OTUD6B: variants seen among roughly 807,000 people sequenced by gnomAD.
The protein encoded by OTUD6B is deubiquitinase OTUD6B.
In OTUD6B, 41 loss-of-function variants were observed where a neutral mutation model predicts 36.9. The ratio of observed to expected loss-of-function variants is 1.11; its 90% CI spans 0.87 to 1.44. The LOEUF (loss-of-function observed/expected upper bound fraction) is 1.44, where lower values mean the gene tolerates loss of function less well. Ranked by LOEUF, OTUD6B falls within the 40% of genes most tolerant of loss-of-function variation. The pLI is 0.00. For synonymous variants in OTUD6B, 114 were observed against 114.2 expected (o/e 1.00, Z 0.01); for missense variants, 356 against 344.8 (o/e 1.03, Z -0.26).
In OTUD6B at chr8:91,078,641, C is replaced by A; in HGVS notation, c.601C>A (p.Pro201Thr). 6.3e-7 allele frequency: 1 copy of A among 1,586,468 alleles called. No individual in the cohort carries two copies. The highest frequency in any genetic ancestry group is 8.6e-7 in the Non-Finnish European group (1 of 1,164,816). Residue 201 changes from proline (P) to threonine (T), a missense_variant, in exon 4 of 7, where the codon CCT becomes ACT. By Grantham distance (38) the Pro-to-Thr change is conservative. Transcript: ENST00000404789. Reference sequence around the variant, plus strand: ...AGACTTTCTGCCATTTTTAACAAACCCTAATACAGGAGATATGTATACTCC... The same window carrying A: ...AGACTTTCTGCCATTTTTAACAAACACTAATACAGGAGATATGTATACTCC... ...VEDFLPFLTN[P>T]NTGDMYTPEE... is the part of the protein sequence containing the mutation.
At chr8:91,081,573 C>G (rs1812908595) in intron 5 of OTUD6B, among the ~76,000 whole-genome samples, 1 of 147,938 alleles carries the variant, frequency 6.8e-6, no homozygotes, top group African/African-American at 2.4e-5. Context: ...TAAACCCTCT[C>G]TGTGTATTCA....
Position 91,086,123 on chromosome 8 carries a change from T to C in OTUD6B, c.*1255T>C, listed in dbSNP as rs1813010128. 3 of 152,130 alleles carry C rather than the reference T, an allele frequency of 2.0e-5. No individual in the cohort carries two copies. The highest frequency in any genetic ancestry group is 2.0e-4 in the Admixed American group (3 of 15,238). 9.4% of individuals were successfully genotyped at this position (152,130 alleles called of 1,614,324 possible). ...TCATAATTTATGTAAGGAAATATTA[T>C]GAAAATGAGACTTTTTTAGTTTGAT... is the stretch of plus-strand genomic sequence containing the variant. On this transcript the variant is annotated 3_prime_UTR_variant, in exon 7 of 7. Coordinates refer to ENST00000404789, the MANE Select transcript of OTUD6B (RefSeq NM_016023.5).
At chr8:91,070,591 A>G in intron 1 of OTUD6B, 125 bp downstream of exon 1, 1 of 872,686 alleles carries the variant, frequency 1.1e-6, no homozygotes, top group Non-Finnish European at 1.8e-6. Context: ...CCTAGTAGCA[A>G]GTGGCCTCTT....
At chr8:91,077,288 G>A (rs1421016809) in intron 3 of OTUD6B, among the ~76,000 whole-genome samples, 5 of 151,622 alleles carry the variant, frequency 3.3e-5, no homozygotes, top group African/African-American at 4.8e-5. Flanking sequence ...TTGGAATCCC[G>A]TCATCCAGAA....
chr8:91,070,533 TTCTGGGGAA>T, intron 1 of OTUD6B, 67 bp downstream of exon 1: 1 of 1,447,762 alleles, frequency 6.9e-7, no homozygotes, highest in Non-Finnish European at 9.5e-7. Flanking sequence ...GGCGGGTCGA[TTCTGGGGAA>T]TCTCAAGGCG....
At chr8:91,083,915 C>A (rs780032731) in intron 5 of OTUD6B, 93 bp from the exon 6 acceptor site, 116 of 1,498,208 alleles carry the variant, frequency 7.7e-5, no homozygotes, top group African/African-American at 9.9e-5. Context: ...GTGAACACAG[C>A]GTATCCCTGC....
At position 91,086,163 on chromosome 8, in the gene OTUD6B, CTA is replaced by C. The variant is rs749967849; in HGVS notation, c.*1296_*1297del. 2 of 151,990 alleles carry C rather than the reference CTA, an allele frequency of 1.3e-5. No individual in the cohort carries two copies. Among genetic ancestry groups the C allele is most frequent in the African/African-American group, 2.4e-5 (1 of 41,400 alleles). The allele number at this position is 151,990 out of a possible 1,614,324, so 9.4% of individuals were successfully genotyped here. ...TTTAGTTTGATGTGTGTTTCCCAAA[CTA>C]GAGATAAAACTAGTAAGATTTAGTA... On this transcript the variant is annotated 3_prime_UTR_variant, in exon 7 of 7. Transcript: ENST00000404789.
chr8:91,070,469 G>A lies in OTUD6B; in HGVS notation c.82+3G>A. 1 of 1,560,686 alleles carries A rather than the reference G, an allele frequency of 6.4e-7. No individual in the cohort carries two copies. Among genetic ancestry groups the A allele is most frequent in the Admixed American group, 1.9e-5 (1 of 51,702 alleles). ...CAAAGAGAAGAAGGAGTTGCAAGGT[G>A]AGGCGGAAGGAAGTGGGAATCTGGA... On this transcript the variant is annotated splice_donor_region_variant and intron_variant, in intron 1 of 6. Coordinates refer to ENST00000404789, the MANE Select transcript of OTUD6B (RefSeq NM_016023.5).
intron 3 of OTUD6B, chr8:91,076,657 G>A: frequency 6.6e-7 from 1 of 1,505,882 alleles, no homozygotes; most frequent in Non-Finnish European, 8.9e-7. Flanking sequence ...CAGCTGTATG[G>A]CCTTTGGAAA....
At chr8:91,082,145 TC>T (rs1812918922) in intron 5 of OTUD6B, among the ~76,000 whole-genome samples, 1 of 152,264 alleles carries the variant, frequency 6.6e-6, no homozygotes, top group African/African-American at 2.4e-5. Flanking sequence ...AGAGTTTGGT[TC>T]GCATCCTCTA....
intron 3 of OTUD6B, 182 bp from the exon 4 acceptor site, chr8:91,078,174 A>T: frequency 2.6e-6 from 2 of 783,298 alleles, no homozygotes; most frequent in Non-Finnish European, 3.1e-6. Flanking sequence ...CACACAGATG[A>T]GTAAGAGAGT....
intron 4 of OTUD6B, 44 bp downstream of exon 4, chr8:91,078,712 A>T (rs1340532813): frequency 2.2e-6 from 3 of 1,386,090 alleles, no homozygotes; most frequent in Non-Finnish European, 2.9e-6. Context: ...GCTTTGTTGT[A>T]GTTGTTTTTA....
chr8:91,070,552 G>A (rs1194015203), intron 1 of OTUD6B, 86 bp downstream of exon 1: 1 of 1,288,100 alleles, frequency 7.8e-7, no homozygotes. Context: ...ATCTCAAGGC[G>A]TGACTTATCT....
intron 3 of OTUD6B, among the ~76,000 whole-genome samples, chr8:91,074,377 A>G (rs188497421): frequency 6.5e-4 from 99 of 152,240 alleles, no homozygotes; most frequent in African/African-American, 2.1e-3. Context: ...CTAGAAGTTA[A>G]CATGTGTAGG....
chr8:91,076,234 A>G (rs909335925), intron 3 of OTUD6B, among the ~76,000 whole-genome samples: 4 of 152,086 alleles, frequency 2.6e-5, no homozygotes, highest in African/African-American at 9.7e-5. Context: ...TTTTATTGAC[A>G]ATATATTTAT....
At chr8:91,072,980 T>C (rs1277087553) in intron 2 of OTUD6B, among the ~76,000 whole-genome samples, 1 of 152,232 alleles carries the variant, frequency 6.6e-6, no homozygotes, top group East Asian at 1.9e-4. Flanking sequence ...TTATCTTGCC[T>C]ATTGTCAATA....
At chr8:91,073,951 T>G (rs1439781020) in intron 3 of OTUD6B, 40 bp downstream of exon 3, 4 of 1,327,340 alleles carry the variant, frequency 3.0e-6, no homozygotes. Context: ...GTTAGTGCTG[T>G]GTGTTCAATA....
At chr8:91,080,072 G>T (rs1432318245) in intron 4 of OTUD6B, among the ~76,000 whole-genome samples, 1 of 152,062 alleles carries the variant, frequency 6.6e-6, no homozygotes, top group Non-Finnish European at 1.5e-5. Flanking sequence ...TAGTGATTAG[G>T]TCTTTTATTT....
chr8:91,076,562 C>G (rs1812806530), intron 3 of OTUD6B: 2 of 1,527,742 alleles, frequency 1.3e-6, no homozygotes, highest in Non-Finnish European at 1.8e-6. Flanking sequence ...ACTCCAGCTC[C>G]CATCTGCTCC....
Sources: gnomAD v4.1 joint callset for allele counts (sites outside exome capture counted in the v4.1 genomes callset) on GRCh38, gnomAD v4.1.1 for gene constraint, MANE v1.5 for transcripts, NCBI Gene and HGNC (gene_info 2026-07-23, HGNC 2026-07-21) for gene names.